Variants in ZRANB3 observed in about 807,000 individuals in gnomAD.
The protein encoded by ZRANB3 is DNA annealing helicase and endonuclease ZRANB3.
In ZRANB3, 125 loss-of-function variants were observed where a neutral mutation model predicts 133.8. The observed-to-expected ratio is 0.93, with a 90% CI of 0.81 to 1.08. The LOEUF is 1.08. Among genes scored for constraint, ZRANB3 ranks in the 50% least tolerant of loss-of-function variants. The pLI is 0.00. For missense variants in ZRANB3, 1,229 were observed against 1,275.5 expected, an observed-to-expected ratio of 0.96 and a Z score of 0.56; for synonymous variants, 387 against 432.7, an observed-to-expected ratio of 0.89 and a Z score of 1.31.
intron 3 of ZRANB3, among the ~76,000 whole-genome samples, chr2:135,365,081 A>G (rs1685867483): frequency 1.3e-5 from 2 of 151,340 alleles, no homozygotes; most frequent in Non-Finnish European, 3.0e-5. Flanking sequence ...AAAAATAAAT[A>G]ATAAATAAAT....
intron 8 of ZRANB3, among the ~76,000 whole-genome samples, chr2:135,309,843 A>G (rs1283492455): frequency 6.6e-6 from 1 of 152,264 alleles, no homozygotes; most frequent in African/African-American, 2.4e-5. Flanking sequence ...TGCTGATTCT[A>G]AAATTCATAC....
intron 1 of ZRANB3, among the ~76,000 whole-genome samples, chr2:135,514,065 T>A (rs1346080977): frequency 6.6e-6 from 1 of 152,138 alleles, no homozygotes; most frequent in African/African-American, 2.4e-5. Context: ...GAAGTCAAAC[T>A]AGGTAGCGTG....
chr2:135,521,057 A>T (rs1693917646), intron 1 of ZRANB3, among the ~76,000 whole-genome samples: 1 of 152,222 alleles, frequency 6.6e-6, no homozygotes. Flanking sequence ...AACAACTCAT[A>T]AGATAAATAT....
At chr2:135,420,619 G>A (rs1223450881) in intron 2 of ZRANB3, among the ~76,000 whole-genome samples, 1 of 152,104 alleles carries the variant, frequency 6.6e-6, no homozygotes, top group African/African-American at 2.4e-5. Context: ...AAGTGTGCAT[G>A]GTAATTGATA....
chr2:135,429,624 C>A (rs1347797184), intron 2 of ZRANB3, among the ~76,000 whole-genome samples: 1 of 151,750 alleles, frequency 6.6e-6, no homozygotes, highest in Non-Finnish European at 1.5e-5. Flanking sequence ...ATGTGGGAAG[C>A]AGAGTCAAAG....
intron 8 of ZRANB3, among the ~76,000 whole-genome samples, chr2:135,289,552 C>T (rs1015343101): frequency 6.6e-6 from 1 of 152,212 alleles, no homozygotes; most frequent in Non-Finnish European, 1.5e-5. Flanking sequence ...CTGTGCCCGG[C>T]CATGGAGTTG....
chr2:135,368,488 A>G (rs1330828020), intron 3 of ZRANB3, among the ~76,000 whole-genome samples: 2 of 152,074 alleles, frequency 1.3e-5, no homozygotes, highest in East Asian at 1.9e-4. Flanking sequence ...TCATAAACTA[A>G]TAAGTTAAAA....
At chr2:135,212,179 G>A (rs898158832) in intron 17 of ZRANB3, among the ~76,000 whole-genome samples, 3 of 152,284 alleles carry the variant, frequency 2.0e-5, no homozygotes, top group African/African-American at 4.8e-5. Context: ...TTAAGCCATC[G>A]TGCTCCAGTC....
intron 8 of ZRANB3, among the ~76,000 whole-genome samples, chr2:135,305,718 T>G (rs542090024): frequency 6.6e-5 from 10 of 152,322 alleles, no homozygotes; most frequent in South Asian, 6.2e-4. Context: ...GATACAATTA[T>G]TTTTTTCCAG....
At chr2:135,481,234 G>A (rs1480048124) in intron 2 of ZRANB3, among the ~76,000 whole-genome samples, 2 of 151,026 alleles carry the variant, frequency 1.3e-5, no homozygotes, top group South Asian at 2.1e-4. Flanking sequence ...CCCACCAACA[G>A]TGTAAAAGTG....
intron 2 of ZRANB3, among the ~76,000 whole-genome samples, chr2:135,467,103 C>G (rs1691032952): frequency 6.6e-6 from 1 of 152,160 alleles, no homozygotes; most frequent in African/African-American, 2.4e-5. Context: ...CTATGTCTCT[C>G]TTGGTCCAAT....
intron 1 of ZRANB3, among the ~76,000 whole-genome samples, chr2:135,526,648 C>G (rs1694175143): frequency 6.6e-6 from 1 of 152,158 alleles, no homozygotes; most frequent in Admixed American, 6.5e-5. Flanking sequence ...ATTTCCTTGC[C>G]ATACCTTAAA....
At chr2:135,376,875 G>T (rs1172027525) in intron 3 of ZRANB3, among the ~76,000 whole-genome samples, 1 of 152,164 alleles carries the variant, frequency 6.6e-6, no homozygotes, top group African/African-American at 2.4e-5. Flanking sequence ...ATACCAGGAT[G>T]GAAAACAAAA....
chr2:135,411,122 C>G (rs1157511732), intron 2 of ZRANB3, among the ~76,000 whole-genome samples: 1 of 152,120 alleles, frequency 6.6e-6, no homozygotes, highest in Non-Finnish European at 1.5e-5. Flanking sequence ...CACCTGTAGT[C>G]ACAGCTACTT....
At chr2:135,214,742 T>C (rs1221067317) in intron 17 of ZRANB3, among the ~76,000 whole-genome samples, 1 of 152,170 alleles carries the variant, frequency 6.6e-6, no homozygotes, top group African/African-American at 2.4e-5. Context: ...ATGTAACACA[T>C]ATATTTTAAA....
At chr2:135,224,984 A>C (rs2105060643) in intron 14 of ZRANB3, among the ~76,000 whole-genome samples, 1 of 152,352 alleles carries the variant, frequency 6.6e-6, no homozygotes, top group Non-Finnish European at 1.5e-5. Context: ...TCACAAAAGA[A>C]GATAAGCAGA....
At chr2:135,335,704 A>AACAAAACAAAACAAAACAAC (rs1296031573) in intron 6 of ZRANB3, among the ~76,000 whole-genome samples, 5 of 152,128 alleles carry the variant, frequency 3.3e-5, no homozygotes, top group Admixed American at 3.3e-4. Context: ...AACAAAACAA[A>AACAAAACAAAACAAAACAAC]ACAAAACAAA....
intron 2 of ZRANB3, among the ~76,000 whole-genome samples, chr2:135,409,978 A>C (rs543320815): frequency 6.6e-6 from 1 of 152,308 alleles, no homozygotes; most frequent in Non-Finnish European, 1.5e-5. Flanking sequence ...TGATGAAAGA[A>C]ATCATAGATG....
chr2:135,275,212 GC>G (rs1405550271), intron 9 of ZRANB3, among the ~76,000 whole-genome samples: 1 of 150,484 alleles, frequency 6.6e-6, no homozygotes, highest in Non-Finnish European at 1.5e-5. Flanking sequence ...GGGCAGAGGC[GC>G]CCCCCACCTC....
Sources: allele counts gnomAD v4.1 joint callset (sites outside exome capture counted in the v4.1 genomes callset), GRCh38; gene constraint gnomAD v4.1.1; transcripts MANE v1.5; gene names NCBI Gene and HGNC (gene_info 2026-07-23, HGNC 2026-07-21).